Variants in STAU2 observed in about 807,000 individuals in gnomAD.
The protein encoded by STAU2 is staufen double-stranded RNA binding protein 2.
STAU2 carries 20 observed loss-of-function variants against 65.9 expected under a neutral mutation model. That is an observed-to-expected ratio of 0.30 (90% confidence interval 0.21 to 0.44). The LOEUF is 0.44. Among genes scored for constraint, STAU2 ranks in the 20% least tolerant of loss-of-function variants. The pLI is 1.00. For missense variants in STAU2, 558 were observed against 683.9 expected (o/e 0.82, Z 2.05); for synonymous variants, 232 against 233.9 (o/e 0.99, Z 0.07).
At chr8:73,733,461 C>T (rs191472671) in intron 3 of STAU2, among the ~76,000 whole-genome samples, 58 of 152,198 alleles carry the variant, frequency 3.8e-4, no homozygotes, top group African/African-American at 1.3e-3. Context: ...TCCCGGGGGA[C>T]CTATAATTAA....
At chr8:73,731,430 GC>G (rs1806062956) in intron 3 of STAU2, among the ~76,000 whole-genome samples, 2 of 152,136 alleles carry the variant, frequency 1.3e-5, no homozygotes, top group African/African-American at 2.4e-5. Flanking sequence ...TTGCACTGCA[GC>G]CAATAAACTG....
chr8:73,482,052 T>A (rs1820659967), intron 13 of STAU2, among the ~76,000 whole-genome samples: 1 of 152,166 alleles, frequency 6.6e-6, no homozygotes, highest in Admixed American at 6.5e-5. Context: ...TTCTTTTGGC[T>A]GCGGCTGGTT....
chr8:73,745,139 T>C (rs556725851), intron 1 of STAU2, among the ~76,000 whole-genome samples: 8 of 152,348 alleles, frequency 5.3e-5, no homozygotes, highest in African/African-American at 1.9e-4. Flanking sequence ...CTTGAAACCA[T>C]AGCAGGAAAA....
intron 3 of STAU2, among the ~76,000 whole-genome samples, chr8:73,725,422 T>C (rs1361686089): frequency 6.6e-6 from 1 of 152,254 alleles, no homozygotes; most frequent in Non-Finnish European, 1.5e-5. Flanking sequence ...CCTTTCTTTA[T>C]GCTACTGACA....
intron 3 of STAU2, among the ~76,000 whole-genome samples, chr8:73,727,549 T>C (rs566351498): frequency 7.3e-4 from 111 of 152,386 alleles, no homozygotes; most frequent in African/African-American, 2.5e-3. Context: ...GTATCTGTAC[T>C]TCATTTCTTT....
At chr8:73,579,787 T>C (rs897645866) in intron 12 of STAU2, among the ~76,000 whole-genome samples, 2 of 152,180 alleles carry the variant, frequency 1.3e-5, no homozygotes, top group Non-Finnish European at 2.9e-5. Context: ...GAAGAAAGCC[T>C]GAGCAGCACC....
At chr8:73,521,751 GCTAAA>G (rs1448622565) in intron 13 of STAU2, among the ~76,000 whole-genome samples, 2 of 152,168 alleles carry the variant, frequency 1.3e-5, no homozygotes, top group Non-Finnish European at 2.9e-5. Context: ...GGTAGGCTAA[GCTAAA>G]CTAAACTATG....
intron 13 of STAU2, among the ~76,000 whole-genome samples, chr8:73,525,644 C>A (rs1823315273): frequency 6.6e-6 from 1 of 152,198 alleles, no homozygotes. Flanking sequence ...TCCAGTGTTA[C>A]AGCAACATGC....
chr8:73,610,022 T>C (rs1812329055), intron 9 of STAU2, among the ~76,000 whole-genome samples: 1 of 152,138 alleles, frequency 6.6e-6, no homozygotes, highest in African/African-American at 2.4e-5. Flanking sequence ...CTCATGCCTT[T>C]AATCGCAGCA....
intron 9 of STAU2, among the ~76,000 whole-genome samples, chr8:73,611,370 G>C (rs962156135): frequency 2.6e-5 from 4 of 152,102 alleles, no homozygotes; most frequent in African/African-American, 9.7e-5. Flanking sequence ...AAATGCAGGA[G>C]GCTAACCTAG....
chr8:73,593,571 TATTC>T (rs1474354512), intron 11 of STAU2, among the ~76,000 whole-genome samples: 1 of 152,184 alleles, frequency 6.6e-6, no homozygotes, highest in Admixed American at 6.5e-5. Context: ...GGTCAAACAT[TATTC>T]TGAGTGTTTC....
chr8:73,563,781 G>T (rs190960528), intron 12 of STAU2, among the ~76,000 whole-genome samples: 3 of 152,182 alleles, frequency 2.0e-5, no homozygotes, highest in Admixed American at 2.0e-4. Context: ...GGGATTACAT[G>T]CATGAGCTAC....
chr8:73,525,764 C>T (rs1034450852), intron 13 of STAU2, among the ~76,000 whole-genome samples: 1 of 152,160 alleles, frequency 6.6e-6, no homozygotes, highest in Non-Finnish European at 1.5e-5. Context: ...GTATCCCACG[C>T]TGCTTTTGAC....
chr8:73,456,857 T>C (rs868479643), intron 13 of STAU2, among the ~76,000 whole-genome samples: 3 of 152,194 alleles, frequency 2.0e-5, no homozygotes, highest in Middle Eastern at 6.8e-3. Context: ...ATTCCAGGAG[T>C]TGTACAGAAC....
At chr8:73,683,603 T>C (rs1281162226) in intron 5 of STAU2, among the ~76,000 whole-genome samples, 1 of 152,134 alleles carries the variant, frequency 6.6e-6, no homozygotes, top group Non-Finnish European at 1.5e-5. Context: ...CTGGAAGTCC[T>C]AGCCGGAGCA....
At chr8:73,467,100 C>T (rs190681437) in intron 13 of STAU2, among the ~76,000 whole-genome samples, 38 of 152,384 alleles carry the variant, frequency 2.5e-4, no homozygotes, top group Admixed American at 2.5e-3. Context: ...CATAAGTTGA[C>T]ATCTTCCATT....
chr8:73,591,902 A>AAAC (rs1810825773), intron 11 of STAU2, among the ~76,000 whole-genome samples: 7 of 139,132 alleles, frequency 5.0e-5, no homozygotes, highest in South Asian at 2.3e-4. Flanking sequence ...AAAAAAAAAA[A>AAAC]AAAAAAAAAA....
In STAU2 at chr8:73,510,313, G is replaced by A. The variant is rs542432230; in HGVS notation, c.1530+41699C>T. Among the ~76,000 whole-genome samples the A allele has an allele frequency of 4.4e-3, 665 of 151,912 alleles. 5 individuals carry two copies. Among genetic ancestry groups the A allele is most frequent in the Non-Finnish European group, 7.4e-3 (501 of 67,934 alleles). On this transcript the variant is annotated intron_variant, in intron 13 of 14. Transcript: ENST00000524300. The stretch of plus-strand genomic sequence containing the variant: ...TCGAACTCCCAATCTCATGTGATCC[G>A]CCCACCTCTGCCTCCCAAAGTGCTG...
chr8:73,655,639 CTTTTTTTTTTTTTT>C (rs71269930), intron 6 of STAU2, among the ~76,000 whole-genome samples: 1 of 104,748 alleles, frequency 9.5e-6, no homozygotes, highest in Admixed American at 1.0e-4. Flanking sequence ...TTTAATACAT[CTTTTTTTTTTTTTT>C]TTTTTTTTTT....
Sources: allele counts gnomAD v4.1 joint callset (sites outside exome capture counted in the v4.1 genomes callset), GRCh38; gene constraint gnomAD v4.1.1; transcripts MANE v1.5; gene names NCBI Gene and HGNC (gene_info 2026-07-23, HGNC 2026-07-21).